TYK2: variants seen among roughly 807,000 people sequenced by gnomAD.
The protein encoded by TYK2 is tyrosine kinase 2.
A neutral mutation model predicts 130.9 loss-of-function variants in TYK2; 65 were observed. The ratio of observed to expected loss-of-function variants is 0.50; its 90% CI spans 0.41 to 0.61. TYK2 has a LOEUF of 0.61. TYK2 is among the 20% of genes least tolerant of loss of function. TYK2 has a pLI of 0.00. For missense variants in TYK2, 1,378 were observed against 1,610.7 expected (o/e 0.86, Z 2.47); for synonymous variants, 647 against 658.9 (o/e 0.98, Z 0.28).
chr19:10,378,029 G>C (rs1436830293), intron 3 of TYK2, among the ~76,000 whole-genome samples, 185 bp downstream of exon 3: 2 of 132,162 alleles, frequency 1.5e-5, no homozygotes, highest in African/African-American at 2.8e-5. Context: ...TGGATGGGTG[G>C]GTGGGTGGAT....
intron 18 of TYK2, 138 bp from the exon 19 acceptor site, chr19:10,354,747 AAG>A (rs1200182912): frequency 1.4e-6 from 1 of 722,860 alleles, no homozygotes; most frequent in South Asian, 1.5e-5. Context: ...CAACAGCTGA[AAG>A]AGTCCACTTA....
chr19:10,375,071 G>A (rs1025040016), intron 3 of TYK2, among the ~76,000 whole-genome samples: 1 of 151,996 alleles, frequency 6.6e-6, no homozygotes, highest in African/African-American at 2.4e-5. Flanking sequence ...GGGAGACTGA[G>A]GCAGGAAAAT....
chr19:10,368,813 CTTTT>C (rs112143197), intron 3 of TYK2: 10 of 194,818 alleles, frequency 5.1e-5, no homozygotes, highest in South Asian at 3.9e-4. Flanking sequence ...TTAAGTAAAA[CTTTT>C]TTTTTTTTTT....
In TYK2 at chr19:10,353,468, G is replaced by A; in HGVS notation, c.3027+60C>T. 7.7e-7 allele frequency: 1 copy of A among 1,290,528 alleles called. No individual in the cohort carries two copies. The allele number at this position is 1,290,528 out of a possible 1,614,324, so 79.9% of individuals were successfully genotyped here. ...AGAGCAGACTGCACCGGATCGCTCA[G>A]GCCAGCCCAAGCTGAAGAGGAAGGG... On this transcript the variant is annotated intron_variant, in intron 21 of 24. Coordinates refer to ENST00000525621, the MANE Select transcript of TYK2 (RefSeq NM_003331.5). The surrounding 1 kb of genome is among the most constrained non-coding windows in gnomAD (Gnocchi z 6.9).
intron 3 of TYK2, among the ~76,000 whole-genome samples, chr19:10,374,052 G>A (rs2042017522): frequency 1.3e-5 from 2 of 152,002 alleles, no homozygotes; most frequent in South Asian, 4.1e-4. Flanking sequence ...GGATCACGAG[G>A]TCAGGAGATC....
chr19:10,361,412 G>A lies in TYK2; in HGVS notation c.2047+99C>T, dbSNP rs1043406605. The A allele has an allele frequency of 1.7e-6, 2 of 1,182,376 alleles. No individual in the cohort carries two copies. The highest frequency in any genetic ancestry group is 3.0e-5 in the African/African-American group (2 of 65,980). 73.2% of individuals were successfully genotyped at this position (1,182,376 alleles called of 1,614,324 possible). On this transcript the variant is annotated intron_variant, in intron 14 of 24. Coordinates refer to ENST00000525621, the MANE Select transcript of TYK2 (RefSeq NM_003331.5). This position sits in a 1 kb window ranked among gnomAD's most constrained non-coding sequence, Gnocchi z 4.0. ...AGGTGAGAGTTGAGAAATAGGCATA[G>A]GTTGGGGTGTAGGTCGAGGGTTGGG...
chr19:10,373,873 C>T (rs1040802200), intron 3 of TYK2, among the ~76,000 whole-genome samples: 1 of 152,070 alleles, frequency 6.6e-6, no homozygotes, highest in Non-Finnish European at 1.5e-5. Context: ...GAAGGTCTTT[C>T]GCTTCCTCAA....
Position 10,352,570 on chromosome 19 carries a change from T to G in TYK2, c.3201-19A>C. The G allele has an allele frequency of 4.9e-5, 39 of 802,748 alleles. No individual in the cohort carries two copies. Among genetic ancestry groups the G allele is most frequent in the Non-Finnish European group, 7.5e-5 (38 of 508,746 alleles). The allele number at this position is 802,748 out of a possible 1,614,324, so 49.7% of individuals were successfully genotyped here. On this transcript the variant is annotated intron_variant, in intron 22 of 24. Coordinates refer to ENST00000525621, the MANE Select transcript of TYK2 (RefSeq NM_003331.5). ...GGCATACCTAGGGGGAGGGGGGCAC[T>G]CAGGCCACGGGGGGCTGCACTGAGG... is the stretch of plus-strand genomic sequence containing the variant.
intron 14 of TYK2, among the ~76,000 whole-genome samples, chr19:10,360,337 A>T (rs907792954): frequency 6.6e-6 from 1 of 151,928 alleles, no homozygotes; most frequent in Non-Finnish European, 1.5e-5. Context: ...TCTACAAAAA[A>T]TTTTTAAAAA....
chr19:10,370,510 C>CAAA (rs36008928), intron 3 of TYK2, among the ~76,000 whole-genome samples: 1 of 128,342 alleles, frequency 7.8e-6, no homozygotes, highest in Non-Finnish European at 1.7e-5. Context: ...AAGACTGTCT[C>CAAA]AAAAAAAAAA....
intron 3 of TYK2, among the ~76,000 whole-genome samples, chr19:10,370,815 T>C (rs1161926044): frequency 6.6e-6 from 1 of 151,842 alleles, no homozygotes; most frequent in East Asian, 1.9e-4. Flanking sequence ...AGGCTCTGTC[T>C]AAAAAAATAA....
At position 10,350,817 on chromosome 19, in the gene TYK2, AG is replaced by A. The variant is rs764805555; in HGVS notation, c.*16del. 1 of 1,612,544 alleles carries A rather than the reference AG, an allele frequency of 6.2e-7. No individual in the cohort carries two copies. The highest frequency in any genetic ancestry group is 1.1e-5 in the South Asian group (1 of 91,014). On this transcript the variant is annotated 3_prime_UTR_variant, in exon 25 of 25. Transcript: ENST00000525621. Reference sequence around the variant, plus strand: ...ACTGCCTGGTCCAGTCCTCCCAGGCAGGGCTGCCATTGTGCCTCAGCACACG... The same window carrying A: ...ACTGCCTGGTCCAGTCCTCCCAGGCAGGCTGCCATTGTGCCTCAGCACACG...
In TYK2 at chr19:10,368,066, G is replaced by C. The variant is rs745894180; in HGVS notation, c.454C>G (p.Leu152Val). The change falls in exon 5 of 25, where the codon CTC becomes GTC. Residue 152 changes from leucine to valine, a missense_variant. Leu to Val is a conservative substitution (Grantham distance 32). Coordinates refer to ENST00000525621, the MANE Select transcript of TYK2 (RefSeq NM_003331.5). ...QLLDPASFEY[L>V]FEQGKHEFVN... ...AGCCCTGCTCATACCTGCTCAAAGA[G>C]GTACTCAAATGAGGCTGGGTCCAGG... is the stretch of plus-strand genomic sequence containing the variant. The C allele has an allele frequency of 6.2e-7, 1 of 1,614,130 alleles. No individual in the cohort carries two copies. Among genetic ancestry groups the C allele is most frequent in the South Asian group, 1.1e-5 (1 of 91,078 alleles).
At chr19:10,357,353 C>G in intron 17 of TYK2, 1 of 621,344 alleles carries the variant, frequency 1.6e-6, no homozygotes, top group Non-Finnish European at 2.9e-6. Flanking sequence ...CACGCCATTG[C>G]ATTCCAGCCT....
Position 10,359,137 on chromosome 19 carries a change from T to C in TYK2, c.2175+38A>G, listed in dbSNP as rs1483131432. On this transcript the variant is annotated intron_variant, in intron 15 of 24. Coordinates refer to ENST00000525621, the MANE Select transcript of TYK2 (RefSeq NM_003331.5). ...TCTCGAACTCCTGGGCTCCTGGCCC[T>C]CCCTGACCGACCCAGGCCCCACACA... 1.9e-6 allele frequency: 3 copies of C among 1,596,778 alleles called. No homozygotes were observed. In the East Asian group the frequency reaches 6.7e-5, roughly 36 times the overall value.
intron 6 of TYK2, among the ~76,000 whole-genome samples, 189 bp from the exon 7 acceptor site, chr19:10,366,087 G>A (rs549008251): frequency 6.6e-6 from 1 of 152,304 alleles, no homozygotes; most frequent in South Asian, 2.1e-4. Context: ...AGGATCGCTT[G>A]AGGTCAGGAG....
intron 3 of TYK2, among the ~76,000 whole-genome samples, chr19:10,372,484 A>ATATATATATATT (rs1390400916): frequency 2.7e-5 from 1 of 37,422 alleles, no homozygotes; most frequent in Non-Finnish European, 4.5e-5. Context: ...ATATATATAT[A>ATATATATATATT]TTTTTTTTTT....
intron 18 of TYK2, among the ~76,000 whole-genome samples, chr19:10,356,177 G>C (rs1213322310): frequency 6.6e-6 from 1 of 152,104 alleles, no homozygotes; most frequent in African/African-American, 2.4e-5. Context: ...TCTAGAGTTT[G>C]AGACCAGCCT....
chr19:10,353,224 A>T lies in TYK2; in HGVS notation c.3028-126T>A. 1.2e-6 allele frequency: 1 copy of T among 801,238 alleles called. No individual in the cohort carries two copies. Among genetic ancestry groups the T allele is most frequent in the South Asian group, 2.4e-5 (1 of 41,076 alleles). 49.6% of individuals were successfully genotyped at this position (801,238 alleles called of 1,614,324 possible). A position where few individuals can be genotyped will look rare whatever the true frequency, so the allele number is the denominator to read the frequency against. On this transcript the variant is annotated intron_variant, in intron 21 of 24. Transcript: ENST00000525621. This position sits in a 1 kb window ranked among gnomAD's most constrained non-coding sequence, Gnocchi z 6.9. Reference sequence around the variant, plus strand: ...AGGCCGGTGGCTACCCGGCCGCTGGAGAGGGCCGGATGGCACGTGGCACCA... The same window carrying T: ...AGGCCGGTGGCTACCCGGCCGCTGGTGAGGGCCGGATGGCACGTGGCACCA...
Sources: gnomAD v4.1 joint callset for allele counts (sites outside exome capture counted in the v4.1 genomes callset) on GRCh38, gnomAD v4.1.1 for gene constraint, Gnocchi (gnomAD v3.1) non-coding constraint, MANE v1.5 for transcripts, NCBI Gene and HGNC (gene_info 2026-07-23, HGNC 2026-07-21) for gene names.